Variants in AASDHPPT observed in about 807,000 individuals in gnomAD.
The protein encoded by AASDHPPT is L-aminoadipate-semialdehyde dehydrogenase-phosphopantetheinyl transferase.
AASDHPPT carries 23 observed loss-of-function variants against 36.4 expected under a neutral mutation model. The observed-to-expected ratio is 0.63, with a 90% CI of 0.45 to 0.89. The LOEUF is 0.89. AASDHPPT is among the 40% of genes least tolerant of loss of function. The probability of loss-of-function intolerance (pLI) is 0.00; values close to 1 mark genes in which losing one functional copy is unlikely to be tolerated. For missense variants in AASDHPPT, 377 were observed against 378.2 expected, an observed-to-expected ratio of 1.00 and a Z score of 0.03; for synonymous variants, 115 against 128.0, an observed-to-expected ratio of 0.90 and a Z score of 0.68.
intron 4 of AASDHPPT, chr11:106,092,537 T>C (rs763478137): frequency 2.0e-5 from 3 of 152,074 alleles, no homozygotes; most frequent in Non-Finnish European, 4.4e-5. Flanking sequence ...GGATTTGAAG[T>C]TGAAACTGTG....
At chr11:106,081,768 T>A (rs553895812) in intron 2 of AASDHPPT, among the ~76,000 whole-genome samples, 1 of 151,028 alleles carries the variant, frequency 6.6e-6, no homozygotes, top group South Asian at 2.1e-4. Flanking sequence ...AAGCTTTTAA[T>A]AAATGATGGT....
chr11:106,081,625 C>G (rs890688466), intron 2 of AASDHPPT, among the ~76,000 whole-genome samples: 1 of 115,196 alleles, frequency 8.7e-6, no homozygotes, highest in South Asian at 2.5e-4. Flanking sequence ...GCACAACTAC[C>G]TGGTAATAAT....
At chr11:106,087,206 A>G (rs954634975) in intron 2 of AASDHPPT, among the ~76,000 whole-genome samples, 1 of 152,194 alleles carries the variant, frequency 6.6e-6, no homozygotes, top group East Asian at 1.9e-4. Context: ...GTAACATGCA[A>G]GAAGCTTTGT....
intron 3 of AASDHPPT, 112 bp downstream of exon 3, chr11:106,090,790 G>A: frequency 1.5e-6 from 2 of 1,370,908 alleles, no homozygotes; most frequent in Non-Finnish European, 1.9e-6. Context: ...TGAAGTAAAT[G>A]GGTGATTGCT....
At position 106,095,357 on chromosome 11, in the gene AASDHPPT, C is replaced by G. The variant is rs141701493; in HGVS notation, c.765+703C>G. 3.9e-5 allele frequency among the ~76,000 whole-genome samples: 6 copies of G among 152,244 alleles called. No homozygotes were observed. The East Asian group carries it at 1.2e-3, about 29-fold the overall frequency. ...TACCTTGCAAATTGAATCCACTCCT[C>G]CTTTTAAAGTAATATCCTGAATTAT... On this transcript the variant is annotated intron_variant, in intron 5 of 5. Transcript: ENST00000278618.
intron 2 of AASDHPPT, among the ~76,000 whole-genome samples, chr11:106,080,219 A>G (rs1311776785): frequency 2.0e-5 from 3 of 152,122 alleles, no homozygotes; most frequent in Non-Finnish European, 2.9e-5. Flanking sequence ...TTTGCAGGAT[A>G]TGAAACCTGA....
chr11:106,096,188 T>C (rs1005965824), intron 5 of AASDHPPT, among the ~76,000 whole-genome samples: 1 of 152,200 alleles, frequency 6.6e-6, no homozygotes, highest in Non-Finnish European at 1.5e-5. Flanking sequence ...GTACTATTTA[T>C]ACTAGATGTG....
In AASDHPPT at chr11:106,080,291, A is replaced by G. The variant is rs905750596; in HGVS notation, c.409+599A>G. 3.9e-5 allele frequency among the ~76,000 whole-genome samples: 6 copies of G among 152,136 alleles called. No individual in the cohort carries two copies. In the South Asian group the frequency reaches 1.2e-3, roughly 32 times the overall value. On this transcript the variant is annotated intron_variant, in intron 2 of 5. Coordinates refer to ENST00000278618, the MANE Select transcript of AASDHPPT (RefSeq NM_015423.3). ...TAGGGCCGCATGCGCAGATTTTGGT[A>G]TCTGAGGAGGGTCCTGGAACCAGTC...
intron 3 of AASDHPPT, among the ~76,000 whole-genome samples, chr11:106,090,885 A>G (rs1418311599): frequency 8.1e-5 from 7 of 86,792 alleles, no homozygotes; most frequent in Admixed American, 5.3e-4. Context: ...TGTAATGCTC[A>G]GTTAGAAAGT....
chr11:106,097,607 A>G lies in AASDHPPT; in HGVS notation c.*700A>G, dbSNP rs1226020711. 2.0e-5 allele frequency: 3 copies of G among 152,294 alleles called. No homozygotes were observed. Among genetic ancestry groups the G allele is most frequent in the African/African-American group, 2.4e-5 (1 of 41,572 alleles). 9.4% of individuals were successfully genotyped at this position (152,294 alleles called of 1,614,324 possible). ...CCTCTCGATCACAAGAGCTGCTGCT[A>G]TAACTTCCAGTTTTACATCTTTGTA... On this transcript the variant is annotated 3_prime_UTR_variant, in exon 6 of 6. Transcript: ENST00000278618.
intron 2 of AASDHPPT, among the ~76,000 whole-genome samples, chr11:106,082,841 A>G (rs1195708223): frequency 6.6e-6 from 1 of 151,982 alleles, no homozygotes; most frequent in Non-Finnish European, 1.5e-5. Context: ...AATTTTTTCT[A>G]CCATTAAAAG....
intron 4 of AASDHPPT, chr11:106,092,610 A>G (rs1380374514): frequency 6.6e-6 from 1 of 152,126 alleles, no homozygotes; most frequent in African/African-American, 2.4e-5. Flanking sequence ...TTGAAACCAC[A>G]AGAAGTTAGA....
At chr11:106,089,928 G>C (rs977547352) in intron 2 of AASDHPPT, among the ~76,000 whole-genome samples, 1 of 151,954 alleles carries the variant, frequency 6.6e-6, no homozygotes, top group African/African-American at 2.4e-5. Context: ...CCACGAAAGA[G>C]TAATGAAAAT....
chr11:106,082,141 C>G (rs2135036945), intron 2 of AASDHPPT, among the ~76,000 whole-genome samples: 1 of 152,218 alleles, frequency 6.6e-6, no homozygotes, highest in South Asian at 2.1e-4. Flanking sequence ...CTTGACTAAT[C>G]ACAATGTCTA....
chr11:106,090,553 G>T lies in AASDHPPT; in HGVS notation c.410-4G>T. 6 of 1,557,570 alleles carry T rather than the reference G, an allele frequency of 3.9e-6. No homozygotes were observed. The highest frequency in any genetic ancestry group is 5.2e-6 in the Non-Finnish European group (6 of 1,159,162). On this transcript the variant is annotated splice_region_variant and splice_polypyrimidine_tract_variant and intron_variant, in intron 2 of 5. Transcript: ENST00000278618. The stretch of plus-strand genomic sequence containing the variant: ...TATTTAATTTTTTATTTCTTAATTG[G>T]CAGGTCGTGGTTCAATTCCAGAATT...
intron 2 of AASDHPPT, among the ~76,000 whole-genome samples, chr11:106,082,229 C>T (rs542317342): frequency 1.8e-3 from 273 of 152,062 alleles, no homozygotes; most frequent in Admixed American, 4.3e-3. Context: ...AGAGATTTTC[C>T]AATTGTCACT....
chr11:106,096,685 A>T, intron 5 of AASDHPPT, 58 bp from the exon 6 acceptor site: 1 of 1,351,888 alleles, frequency 7.4e-7, no homozygotes, highest in Non-Finnish European at 1.0e-6. Flanking sequence ...TGATTATGAA[A>T]TTGATCATAA....
intron 2 of AASDHPPT, among the ~76,000 whole-genome samples, chr11:106,088,225 T>TA (rs1378854788): frequency 1.3e-5 from 2 of 152,122 alleles, no homozygotes; most frequent in African/African-American, 4.8e-5. Flanking sequence ...CCTTTTATGT[T>TA]AATCAGTTTT....
In AASDHPPT at chr11:106,097,018, G is replaced by A. The variant is rs1861322439; in HGVS notation, c.*111G>A. 7 of 1,125,638 alleles carry A rather than the reference G, an allele frequency of 6.2e-6. No individual in the cohort carries two copies. Among genetic ancestry groups the A allele is most frequent in the Non-Finnish European group, 7.3e-6 (6 of 827,578 alleles). 69.7% of individuals were successfully genotyped at this position (1,125,638 alleles called of 1,614,324 possible). On this transcript the variant is annotated 3_prime_UTR_variant, in exon 6 of 6. Coordinates refer to ENST00000278618, the MANE Select transcript of AASDHPPT (RefSeq NM_015423.3). ...TTTATTTCACGAAAGTTTTTTTAAA[G>A]AACAGAAACTTTTCCAATTAAAAAA...
Sources: allele counts gnomAD v4.1 joint callset (sites outside exome capture counted in the v4.1 genomes callset), GRCh38; gene constraint gnomAD v4.1.1; transcripts MANE v1.5; gene names NCBI Gene and HGNC (gene_info 2026-07-23, HGNC 2026-07-21).